Variants in MAGI1 observed in about 807,000 individuals in gnomAD.
MAGI1 encodes membrane associated guanylate kinase, WW and PDZ domain containing 1, also known as membrane-associated guanylate kinase, WW and PDZ domain-containing protein 1.
A neutral mutation model predicts 139.9 loss-of-function variants in MAGI1; 58 were observed. That is an observed-to-expected ratio of 0.41 (90% CI 0.34 to 0.52). The LOEUF is 0.52. Among genes scored for constraint, MAGI1 ranks in the 20% least tolerant of loss-of-function variants. The pLI is 0.12. For synonymous variants in MAGI1, 812 were observed against 737.9 expected, an observed-to-expected ratio of 1.10 and a Z score of -1.63; for missense variants, 1,874 against 1,901.6, an observed-to-expected ratio of 0.99 and a Z score of 0.27.
chr3:65,910,855 C>CTTTTTTTTTTTTTTTTT lies in MAGI1; in HGVS notation c.313+127124_313+127140dup. On this transcript the variant is annotated intron_variant, in intron 1 of 22. Transcript: ENST00000402939. ...TGAGGCCTCTTTCAGACATGGTGGACTTTTTTTTTTTTTTTTTTTTGAGAT... is the reference window on the plus strand; with the variant it reads ...TGAGGCCTCTTTCAGACATGGTGGACTTTTTTTTTTTTTTTTTTTTTTTTTTTTTTTTTTTTTGAGAT... Among the ~76,000 whole-genome samples, 263 of 59,472 alleles carry CTTTTTTTTTTTTTTTTT rather than the reference C, an allele frequency of 4.4e-3. 97 individuals are homozygous for CTTTTTTTTTTTTTTTTT. The highest frequency in any genetic ancestry group is 0.012 in the East Asian group (16 of 1,338). The allele number at this position is 59,472 out of a possible 152,430, so 39.0% of individuals were successfully genotyped here.
At chr3:65,748,325 A>G (rs2035867261) in intron 1 of MAGI1, among the ~76,000 whole-genome samples, 1 of 152,204 alleles carries the variant, frequency 6.6e-6, no homozygotes, top group African/African-American at 2.4e-5. Context: ...TGTCAAGTAG[A>G]ACACTAAAAC....
In MAGI1 at chr3:65,821,428, G is replaced by A. The variant is rs144281981; in HGVS notation, c.314-199340C>T. Among the ~76,000 whole-genome samples, 622 of 152,198 alleles carry A rather than the reference G, an allele frequency of 4.1e-3. 1 individual carries two copies. The highest frequency in any genetic ancestry group is 5.4e-3 in the Non-Finnish European group (367 of 68,006). ...CGTCTGCCATGTCTGCTGCATGCCT[G>A]GCATGCTTCCTGGAAGTCAACAGTG... On this transcript the variant is annotated intron_variant, in intron 1 of 22. Transcript: ENST00000402939.
chr3:65,945,668 C>A (rs746033319), intron 1 of MAGI1, among the ~76,000 whole-genome samples: 1 of 152,228 alleles, frequency 6.6e-6, no homozygotes, highest in Non-Finnish European at 1.5e-5. Context: ...TGTAACCCAT[C>A]CAGCTATTTC....
At chr3:65,719,274 T>C (rs1365674258) in intron 1 of MAGI1, among the ~76,000 whole-genome samples, 3 of 151,230 alleles carry the variant, frequency 2.0e-5, no homozygotes, top group Middle Eastern at 3.4e-3. Context: ...CATACATATA[T>C]ATACACATAT....
chr3:65,546,116 T>A (rs1033627411), intron 2 of MAGI1, among the ~76,000 whole-genome samples: 1 of 152,144 alleles, frequency 6.6e-6, no homozygotes, highest in East Asian at 1.9e-4. Flanking sequence ...CAATTGCATA[T>A]AAACATACAT....
chr3:65,598,313 G>A (rs2082324387), intron 2 of MAGI1, among the ~76,000 whole-genome samples: 1 of 152,180 alleles, frequency 6.6e-6, no homozygotes, highest in Admixed American at 6.5e-5. Flanking sequence ...CCTGGACATG[G>A]AAAGGCGGGA....
At chr3:65,659,858 T>A (rs1317721598) in intron 1 of MAGI1, among the ~76,000 whole-genome samples, 2 of 152,126 alleles carry the variant, frequency 1.3e-5, no homozygotes, top group Admixed American at 6.5e-5. Context: ...GGGTTCTACA[T>A]TTCTCAACCC....
At position 65,498,792 on chromosome 3, in the gene MAGI1, T is replaced by C. The variant is rs181016983; in HGVS notation, c.431-5161A>G. On this transcript the variant is annotated intron_variant, in intron 2 of 22. Transcript: ENST00000402939. ...TCTATCCTGGTAGCCCCTAGCCACA[T>C]GTAGCTATTAAAAAGTGGCCAGTGT... Among the ~76,000 whole-genome samples the C allele has an allele frequency of 3.0e-4, 46 of 152,300 alleles. 1 individual carries two copies. Among genetic ancestry groups the C allele is most frequent in the South Asian group, 1.9e-3 (9 of 4,820 alleles).
At chr3:65,483,778 G>A (rs1279567592) in intron 3 of MAGI1, among the ~76,000 whole-genome samples, 1 of 152,160 alleles carries the variant, frequency 6.6e-6, no homozygotes, top group African/African-American at 2.4e-5. Flanking sequence ...GGCAAAGGAG[G>A]ACTTAAGAGG....
At chr3:66,007,043 G>A (rs1046878258) in intron 1 of MAGI1, among the ~76,000 whole-genome samples, 9 of 151,772 alleles carry the variant, frequency 5.9e-5, no homozygotes, top group Admixed American at 2.0e-4. Flanking sequence ...GTCCCACTTC[G>A]TTGCCTAGGC....
chr3:65,619,748 G>A, intron 2 of MAGI1: 2 of 518,804 alleles, frequency 3.9e-6, no homozygotes, highest in Non-Finnish European at 5.0e-6. Flanking sequence ...GTAAGCCCCA[G>A]TCTACTCATG....
intron 1 of MAGI1, among the ~76,000 whole-genome samples, chr3:65,796,952 C>G (rs1169268722): frequency 6.6e-6 from 1 of 152,186 alleles, no homozygotes; most frequent in Non-Finnish European, 1.5e-5. Flanking sequence ...ATTTCAGGTA[C>G]TTTTCATTCT....
chr3:65,990,113 A>T (rs564008660), intron 1 of MAGI1, among the ~76,000 whole-genome samples: 2 of 152,254 alleles, frequency 1.3e-5, no homozygotes, highest in East Asian at 1.9e-4. Context: ...AATAAAGAGG[A>T]AGTAGCAGAC....
intron 1 of MAGI1, among the ~76,000 whole-genome samples, chr3:65,784,865 C>G (rs1376531577): frequency 6.6e-6 from 1 of 152,080 alleles, no homozygotes; most frequent in Admixed American, 6.5e-5. Context: ...CACAAAAGAC[C>G]ACATACTTTA....
At chr3:65,606,542 G>T (rs1017668171) in intron 2 of MAGI1, among the ~76,000 whole-genome samples, 1 of 151,698 alleles carries the variant, frequency 6.6e-6, no homozygotes, top group African/African-American at 2.4e-5. Flanking sequence ...TTTTGAGATC[G>T]AATCTTGCTC....
chr3:65,389,157 C>T (rs1365000371), intron 14 of MAGI1, among the ~76,000 whole-genome samples: 2 of 152,050 alleles, frequency 1.3e-5, no homozygotes, highest in African/African-American at 4.8e-5. Flanking sequence ...ATATTTCAGT[C>T]CGGCTGCCAC....
chr3:65,860,935 G>A (rs2059536601), intron 1 of MAGI1, among the ~76,000 whole-genome samples: 1 of 152,130 alleles, frequency 6.6e-6, no homozygotes, highest in African/African-American at 2.4e-5. Context: ...CCATTTCAAA[G>A]TAACAAACAA....
chr3:65,803,884 G>A (rs1014260162), intron 1 of MAGI1, among the ~76,000 whole-genome samples: 1 of 152,092 alleles, frequency 6.6e-6, no homozygotes, highest in African/African-American at 2.4e-5. Context: ...AATGAATTTT[G>A]CATATGACAA....
chr3:65,814,648 C>T (rs1464422750), intron 1 of MAGI1, among the ~76,000 whole-genome samples: 1 of 152,164 alleles, frequency 6.6e-6, no homozygotes, highest in Admixed American at 6.5e-5. Flanking sequence ...GCACTAACAA[C>T]CCCAGCAGAC....
Sources: allele counts gnomAD v4.1 joint callset (sites outside exome capture counted in the v4.1 genomes callset), GRCh38; gene constraint gnomAD v4.1.1; transcripts MANE v1.5; gene names NCBI Gene and HGNC (gene_info 2026-07-23, HGNC 2026-07-21).